The following AFF1 variants were observed in gnomAD, a reference collection of about 807,000 sequenced individuals.
The protein encoded by AFF1 is ALF transcription elongation factor 1.
AFF1 carries 48 observed loss-of-function variants against 121.7 expected under a neutral mutation model. The ratio of observed to expected loss-of-function variants is 0.39; its 90% CI spans 0.31 to 0.50. The LOEUF (loss-of-function observed/expected upper bound fraction) is 0.50. Ranked by LOEUF, AFF1 falls within the 20% of genes least tolerant of loss-of-function variation. The probability of loss-of-function intolerance (pLI) is 0.76; values close to 1 mark genes in which losing one functional copy is unlikely to be tolerated. For missense variants in AFF1, 1,523 were observed against 1,511.7 expected (o/e 1.01, Z -0.12); for synonymous variants, 613 against 563.0 (o/e 1.09, Z -1.26).
chr4:86,983,898 G>A (rs1434225886), intron 2 of AFF1, among the ~76,000 whole-genome samples: 3 of 151,312 alleles, frequency 2.0e-5, no homozygotes, highest in African/African-American at 4.9e-5. Flanking sequence ...TTAGCCAGGC[G>A]TGATGGTGGG....
At chr4:86,974,713 G>C (rs546263579) in intron 2 of AFF1, among the ~76,000 whole-genome samples, 1 of 152,148 alleles carries the variant, frequency 6.6e-6, no homozygotes, top group African/African-American at 2.4e-5. Context: ...GGCCAGTGTT[G>C]TGAAATCACA....
At chr4:86,994,314 C>T (rs1209511290) in intron 2 of AFF1, among the ~76,000 whole-genome samples, 2 of 152,254 alleles carry the variant, frequency 1.3e-5, no homozygotes, top group East Asian at 1.9e-4. Context: ...AGGCCCAGAG[C>T]GGAGTCCTTC....
intron 2 of AFF1, among the ~76,000 whole-genome samples, chr4:86,954,003 G>A (rs1721568839): frequency 6.6e-6 from 1 of 152,238 alleles, no homozygotes; most frequent in Non-Finnish European, 1.5e-5. Context: ...GAGCCACCGT[G>A]CCCGGCCTAG....
chr4:87,108,348 G>A, intron 11 of AFF1, 33 bp downstream of exon 11: 1 of 1,603,916 alleles, frequency 6.2e-7, no homozygotes, highest in African/African-American at 1.3e-5. Flanking sequence ...GGCCACCTTA[G>A]ATGGCAGCAT....
At chr4:86,943,941 A>G (rs768900735) in intron 1 of AFF1, among the ~76,000 whole-genome samples, 1 of 143,286 alleles carries the variant, frequency 7.0e-6, no homozygotes, top group Admixed American at 7.3e-5. Context: ...AGCCTGGGCA[A>G]CAAGAACGAA....
chr4:87,011,654 T>G (rs910306121), intron 2 of AFF1, among the ~76,000 whole-genome samples: 2 of 152,238 alleles, frequency 1.3e-5, no homozygotes. Context: ...AGTATTTTGA[T>G]CCATTGAATA....
At chr4:86,938,591 CTT>C (rs916372736) in intron 1 of AFF1, among the ~76,000 whole-genome samples, 4 of 151,990 alleles carry the variant, frequency 2.6e-5, no homozygotes, top group East Asian at 1.9e-4. Flanking sequence ...CTAGTAGTCT[CTT>C]TTTTTAAGAC....
chr4:86,989,441 G>A (rs976580208), intron 2 of AFF1, among the ~76,000 whole-genome samples: 2 of 152,190 alleles, frequency 1.3e-5, no homozygotes, highest in African/African-American at 4.8e-5. Context: ...CATCATCACT[G>A]GTCATTAGAG....
intron 4 of AFF1, among the ~76,000 whole-genome samples, chr4:87,053,764 C>T (rs1731490324): frequency 6.6e-6 from 1 of 152,200 alleles, no homozygotes; most frequent in Admixed American, 6.5e-5. Flanking sequence ...CTTAACTGTC[C>T]TATTAGAAAC....
At chr4:87,040,249 A>G (rs1190411658) in intron 2 of AFF1, among the ~76,000 whole-genome samples, 2 of 152,148 alleles carry the variant, frequency 1.3e-5, no homozygotes, top group Non-Finnish European at 2.9e-5. Flanking sequence ...CCTTCTCTCA[A>G]AGGGGTCCTC....
At chr4:87,057,474 C>G (rs3775229) in intron 4 of AFF1, among the ~76,000 whole-genome samples, 1 of 152,024 alleles carries the variant, frequency 6.6e-6, no homozygotes, top group African/African-American at 2.4e-5. Flanking sequence ...TAAAGTGGGT[C>G]TAATATACTG....
intron 4 of AFF1, among the ~76,000 whole-genome samples, chr4:87,077,707 T>C (rs2149690491): frequency 6.6e-6 from 1 of 152,352 alleles, no homozygotes; most frequent in East Asian, 1.9e-4. Context: ...TGATACTTTC[T>C]TCATTTATAG....
chr4:87,086,383 A>G (rs1277191816), intron 5 of AFF1, among the ~76,000 whole-genome samples: 4 of 152,218 alleles, frequency 2.6e-5, no homozygotes, highest in Non-Finnish European at 5.9e-5. Flanking sequence ...TTACAGCACC[A>G]GACAAGCATC....
chr4:87,076,452 A>G (rs1722682531), intron 4 of AFF1, among the ~76,000 whole-genome samples: 1 of 152,244 alleles, frequency 6.6e-6, no homozygotes, highest in Non-Finnish European at 1.5e-5. Flanking sequence ...CTTTTAAGGA[A>G]TATCCAAAAC....
chr4:87,000,542 C>T (rs1725610214), intron 2 of AFF1, among the ~76,000 whole-genome samples: 1 of 151,262 alleles, frequency 6.6e-6, no homozygotes, highest in Non-Finnish European at 1.5e-5. Flanking sequence ...GGGTATAATC[C>T]TTTGCAACTT....
chr4:87,137,002 C>A lies in AFF1; in HGVS notation c.*1301C>A. On this transcript the variant is annotated 3_prime_UTR_variant, in exon 21 of 21. Transcript: ENST00000395146. Reference sequence around the variant, plus strand: ...CCGTAAGTTATTGCCATAGTGTATGCATTAAACCAAGTCCATTTTGAATGA... The same window carrying A: ...CCGTAAGTTATTGCCATAGTGTATGAATTAAACCAAGTCCATTTTGAATGA... 4.5e-6 allele frequency: 1 copy of A among 222,316 alleles called. No individual in the cohort carries two copies. The highest frequency in any genetic ancestry group is 9.0e-6 in the Non-Finnish European group (1 of 111,028). 13.8% of individuals were successfully genotyped at this position (222,316 alleles called of 1,614,324 possible).
intron 4 of AFF1, among the ~76,000 whole-genome samples, chr4:87,059,516 C>G (rs188238471): frequency 1.7e-4 from 26 of 152,338 alleles, no homozygotes; most frequent in Admixed American, 2.6e-4. Flanking sequence ...TCTAACCTCT[C>G]ATCTTGCTGT....
chr4:87,040,029 T>C (rs2149599653), intron 2 of AFF1, among the ~76,000 whole-genome samples: 1 of 152,186 alleles, frequency 6.6e-6, no homozygotes, highest in African/African-American at 2.4e-5. Flanking sequence ...GTAGCTGGGA[T>C]TACAAGCACG....
At chr4:87,055,506 T>C (rs2149636857) in intron 4 of AFF1, among the ~76,000 whole-genome samples, 1 of 152,324 alleles carries the variant, frequency 6.6e-6, no homozygotes, top group South Asian at 2.1e-4. Context: ...GGATGGTTAT[T>C]GGATCCCCCT....
Sources: allele counts gnomAD v4.1 joint callset (sites outside exome capture counted in the v4.1 genomes callset), GRCh38; gene constraint gnomAD v4.1.1; transcripts MANE v1.5; gene names NCBI Gene and HGNC (gene_info 2026-07-23, HGNC 2026-07-21).